Variants in CABCOCO1 observed in about 807,000 individuals in gnomAD.
CABCOCO1 encodes ciliary associated calcium binding coiled-coil 1, also known as ciliary-associated calcium-binding coiled-coil protein 1.
A neutral mutation model predicts 35.7 loss-of-function variants in CABCOCO1; 28 were observed. That is an observed-to-expected ratio of 0.78 (90% CI 0.58 to 1.07). CABCOCO1 has a LOEUF of 1.07. CABCOCO1 is among the 50% of genes least tolerant of loss of function. The probability of loss-of-function intolerance (pLI) is 0.00; values close to 1 mark genes in which losing one functional copy is unlikely to be tolerated. For missense variants in CABCOCO1, 326 were observed against 309.2 expected, an observed-to-expected ratio of 1.05 and a Z score of -0.41; for synonymous variants, 95 against 100.1, an observed-to-expected ratio of 0.95 and a Z score of 0.30.
At chr10:61,690,178 G>T (rs1840092879) in intron 4 of CABCOCO1, among the ~76,000 whole-genome samples, 1 of 152,038 alleles carries the variant, frequency 6.6e-6, no homozygotes, top group Admixed American at 6.6e-5. Context: ...ACTCCTGTTT[G>T]CAGCAAAAGA....
chr10:61,733,921 A>G (rs1419719556), intron 5 of CABCOCO1, among the ~76,000 whole-genome samples: 2 of 152,078 alleles, frequency 1.3e-5, no homozygotes, highest in Non-Finnish European at 2.9e-5. Context: ...TGTTAAAAGC[A>G]TAAAGATTAT....
chr10:61,710,313 GATA>G (rs1840703204), intron 5 of CABCOCO1, among the ~76,000 whole-genome samples: 1 of 151,192 alleles, frequency 6.6e-6, no homozygotes, highest in Admixed American at 6.6e-5. Flanking sequence ...TAAATATAGA[GATA>G]ATGATAGAGA....
At chr10:61,735,299 T>C (rs1193692621) in intron 5 of CABCOCO1, among the ~76,000 whole-genome samples, 1 of 152,096 alleles carries the variant, frequency 6.6e-6, no homozygotes, top group Non-Finnish European at 1.5e-5. Context: ...CTTGGTTTGC[T>C]CTCTTCCTAG....
intron 5 of CABCOCO1, among the ~76,000 whole-genome samples, chr10:61,751,152 G>C (rs1029825865): frequency 6.6e-6 from 1 of 151,946 alleles, no homozygotes; most frequent in Non-Finnish European, 1.5e-5. Flanking sequence ...GCAATACAGG[G>C]CTGAGACCAC....
intron 5 of CABCOCO1, among the ~76,000 whole-genome samples, chr10:61,736,554 T>C (rs1273159996): frequency 6.6e-6 from 1 of 152,166 alleles, no homozygotes; most frequent in African/African-American, 2.4e-5. Flanking sequence ...CTATGTAGTA[T>C]AGTTTCAAGT....
intron 5 of CABCOCO1, among the ~76,000 whole-genome samples, chr10:61,693,489 A>G (rs924323979): frequency 6.6e-6 from 1 of 152,104 alleles, no homozygotes; most frequent in South Asian, 2.1e-4. Flanking sequence ...GATGAGAAAA[A>G]AACATAAATC....
chr10:61,766,271 A>G lies in CABCOCO1; in HGVS notation c.*258A>G, dbSNP rs1842108473. 4.0e-6 allele frequency: 1 copy of G among 247,838 alleles called. No individual in the cohort carries two copies. The highest frequency in any genetic ancestry group is 2.2e-5 in the African/African-American group (1 of 44,930). The allele number at this position is 247,838 out of a possible 1,614,324, so 15.4% of individuals were successfully genotyped here. ...CAAGAGTTTGAAAAATTATATATAAAAATACAATTACTTTTATGATAGTCC... is the reference window on the plus strand; with the variant it reads ...CAAGAGTTTGAAAAATTATATATAAGAATACAATTACTTTTATGATAGTCC... On this transcript the variant is annotated 3_prime_UTR_variant, in exon 8 of 8. Coordinates refer to ENST00000648843, the MANE Select transcript of CABCOCO1 (RefSeq NM_001366906.2).
intron 5 of CABCOCO1, among the ~76,000 whole-genome samples, chr10:61,743,250 A>G (rs1841587890): frequency 6.6e-6 from 1 of 152,190 alleles, no homozygotes; most frequent in Admixed American, 6.5e-5. Context: ...ACTTGGACAT[A>G]TGGAAAATAA....
chr10:61,683,543 AC>A (rs1057272969), intron 3 of CABCOCO1, among the ~76,000 whole-genome samples: 1 of 152,176 alleles, frequency 6.6e-6, no homozygotes, highest in African/African-American at 2.4e-5. Flanking sequence ...CCTGGGCAAC[AC>A]AGCAAGATGC....
chr10:61,707,495 C>T (rs1840622309), intron 5 of CABCOCO1, among the ~76,000 whole-genome samples: 2 of 152,272 alleles, frequency 1.3e-5, no homozygotes, highest in South Asian at 2.1e-4. Flanking sequence ...AGGATACACT[C>T]CTCTTATCTG....
intron 5 of CABCOCO1, among the ~76,000 whole-genome samples, chr10:61,736,582 C>T (rs1033997766): frequency 1.3e-5 from 2 of 152,062 alleles, no homozygotes; most frequent in Non-Finnish European, 2.9e-5. Flanking sequence ...CATGATTCCT[C>T]CAGATTTGTT....
At chr10:61,696,313 C>A (rs985462361) in intron 5 of CABCOCO1, among the ~76,000 whole-genome samples, 7 of 151,738 alleles carry the variant, frequency 4.6e-5, no homozygotes, top group Admixed American at 4.6e-4. Flanking sequence ...ACAATAAAAT[C>A]AGCTGAAGTA....
intron 5 of CABCOCO1, among the ~76,000 whole-genome samples, chr10:61,695,209 A>G (rs1840262902): frequency 6.6e-6 from 1 of 151,888 alleles, no homozygotes; most frequent in Admixed American, 6.6e-5. Context: ...TAATAGAAAA[A>G]TACAATAAAA....
intron 5 of CABCOCO1, among the ~76,000 whole-genome samples, chr10:61,731,304 G>A (rs75736923): frequency 0.014 from 2,163 of 152,034 alleles, 42 homozygotes; most frequent in African/African-American, 0.048. Context: ...CCGAGGTCAT[G>A]AGAATTCTAG....
Position 61,724,751 on chromosome 10 carries a change from G to A in CABCOCO1, c.552+34130G>A, listed in dbSNP as rs1341010145. 2.0e-5 allele frequency among the ~76,000 whole-genome samples: 3 copies of A among 152,134 alleles called. No homozygotes were observed. In the East Asian group the frequency reaches 5.8e-4, roughly 29 times the overall value. On this transcript the variant is annotated intron_variant, in intron 5 of 7. Transcript: ENST00000648843. ...CTTTTTTAAAAAAGAAATATTATTT[G>A]TAACACATGTTAAAGGGTTAATATC...
intron 5 of CABCOCO1, among the ~76,000 whole-genome samples, chr10:61,716,127 A>C (rs979376355): frequency 2.0e-5 from 3 of 152,082 alleles, no homozygotes; most frequent in African/African-American, 7.2e-5. Context: ...AATTATAAGA[A>C]GTTTTCCTAT....
intron 5 of CABCOCO1, among the ~76,000 whole-genome samples, chr10:61,731,295 C>G (rs757130848): frequency 6.6e-5 from 10 of 151,744 alleles, no homozygotes; most frequent in Non-Finnish European, 1.3e-4. Context: ...ACAGAATTCC[C>G]GAGGTCATGA....
At chr10:61,733,471 A>G (rs1430678168) in intron 5 of CABCOCO1, among the ~76,000 whole-genome samples, 3 of 152,102 alleles carry the variant, frequency 2.0e-5, no homozygotes, top group East Asian at 3.8e-4. Flanking sequence ...TGTTTAATCA[A>G]GAGCTGGAGA....
At chr10:61,680,703 TTATAC>T (rs1839755467) in intron 2 of CABCOCO1, among the ~76,000 whole-genome samples, 3 of 87,276 alleles carry the variant, frequency 3.4e-5, no homozygotes, top group Non-Finnish European at 6.5e-5. Context: ...CATATATATG[TTATAC>T]ATGTATAACA....
Sources: gnomAD v4.1 joint callset for allele counts (sites outside exome capture counted in the v4.1 genomes callset) on GRCh38, gnomAD v4.1.1 for gene constraint, MANE v1.5 for transcripts, NCBI Gene and HGNC (gene_info 2026-07-23, HGNC 2026-07-21) for gene names.